MKI67: variants seen among roughly 807,000 people sequenced by gnomAD.
The protein encoded by MKI67 is proliferation marker protein Ki-67.
Under a neutral mutation model 233.5 loss-of-function variants are expected in MKI67, and 152 were observed. That is an observed-to-expected ratio of 0.65 (90% CI 0.57 to 0.74). MKI67 has a LOEUF of 0.74. Ranked by LOEUF, MKI67 falls within the 30% of genes least tolerant of loss-of-function variation. The pLI is 0.00. For synonymous variants in MKI67, 1,465 were observed against 1,418.5 expected (o/e 1.03, Z -0.74); for missense variants, 3,940 against 3,885.2 (o/e 1.01, Z -0.37).
intron 13 of MKI67, 65 bp downstream of exon 13, chr10:128,102,514 G>A (rs1175003051): frequency 8.3e-6 from 13 of 1,559,334 alleles, no homozygotes; most frequent in South Asian, 6.0e-5. Flanking sequence ...TACATGCAAA[G>A]TATAACACAG....
chr10:128,100,386 C>T (rs1244399536), intron 14 of MKI67, among the ~76,000 whole-genome samples: 1 of 152,196 alleles, frequency 6.6e-6, no homozygotes, highest in Non-Finnish European at 1.5e-5. Flanking sequence ...GCAGTTGAAG[C>T]TTCCTAGTTT....
chr10:128,115,555 G>T lies in MKI67; in HGVS notation c.853C>A (p.Gln285Lys). The change falls in exon 7 of 15, where the codon CAA becomes AAA. Residue 285 changes from glutamine (Q) to lysine (K), a missense_variant. Gln to Lys is a moderately conservative substitution (Grantham distance 53). Transcript: ENST00000368654. Reference protein sequence around the residue: ...ESADGLQGETQLLVSRKSRPK... With the variant: ...ESADGLQGETKLLVSRKSRPK... ...CTTGACTTACGCGAGACCAACAGTT[G>T]GGTCTCCCCCTGTAAACCATCAGCA... The T allele has an allele frequency of 6.2e-7, 1 of 1,614,156 alleles. No homozygotes were observed. Among genetic ancestry groups the T allele is most frequent in the South Asian group, 1.1e-5 (1 of 91,084 alleles).
chr10:128,126,174 G>A lies in MKI67; in HGVS notation c.-165C>T, dbSNP rs1279475208. The A allele has an allele frequency of 6.3e-6, 1 of 158,304 alleles. No individual in the cohort carries two copies. The highest frequency in any genetic ancestry group is 6.4e-5 in the Admixed American group (1 of 15,512). 9.8% of individuals were successfully genotyped at this position (158,304 alleles called of 1,614,324 possible). ...TCGCACCCAAAGTCCGCCGCAGGAG[G>A]AGCCGGCGCCGCGCTCACCTCCGCC... On this transcript the variant is annotated 5_prime_UTR_variant, in exon 1 of 15. Coordinates refer to ENST00000368654, the MANE Select transcript of MKI67 (RefSeq NM_002417.5).
rs768381709 is a variant in MKI67, at chr10:128,103,435, C to T, written c.8405G>A (p.Gly2802Asp). ...GTGACCTGCTGCTGGGTCTTTGAAG[C>T]CAGCTAGGTCTTCTATGGCTTGGGC... is the stretch of plus-strand genomic sequence containing the variant. ...ESAQAIEDLA[G>D]FKDPAAGHTE... is the part of the protein sequence containing the mutation. The change falls in exon 13 of 15, where the codon GGC becomes GAC. Residue 2802 changes from glycine to aspartate, a missense_variant. Gly to Asp is a moderately conservative substitution (Grantham distance 94). Transcript: ENST00000368654. The T allele has an allele frequency of 3.1e-6, 5 of 1,613,760 alleles. No homozygotes were observed. The South Asian group carries it at 5.5e-5, about 18-fold the overall frequency.
intron 5 of MKI67, 82 bp from the exon 6 acceptor site, chr10:128,116,618 G>A (rs1852814937): frequency 1.5e-6 from 2 of 1,375,298 alleles, no homozygotes; most frequent in Non-Finnish European, 2.1e-6. Context: ...ATTATTTATT[G>A]TTTTCTGGCT....
Position 128,106,408 on chromosome 10 carries a change from T to C in MKI67, c.5432A>G (p.Asn1811Ser), listed in dbSNP as rs1047678642. 1.9e-6 allele frequency: 3 copies of C among 1,613,640 alleles called. No individual in the cohort carries two copies. The African/African-American group carries it at 4.0e-5, about 22-fold the overall frequency. ...TPVQKLDQPG[N>S]LPGSNRRLQT... Reference sequence around the variant, plus strand: ...TAGCCGTCTATTGCTGCCAGGTAAATTTCCTGGCTGGTCCAGTTTCTGCAC... The same window carrying C: ...TAGCCGTCTATTGCTGCCAGGTAAACTTCCTGGCTGGTCCAGTTTCTGCAC... Residue 1811 changes from asparagine to serine, a missense_variant, in exon 13 of 15, where the codon AAT becomes AGT. Asn to Ser is a conservative substitution (Grantham distance 46). Transcript: ENST00000368654.
intron 8 of MKI67, among the ~76,000 whole-genome samples, 193 bp downstream of exon 8, chr10:128,113,234 C>T (rs1319492631): frequency 6.6e-6 from 1 of 152,230 alleles, no homozygotes. Context: ...ATCAGCACCA[C>T]GGTCAGGGAC....
intron 4 of MKI67, among the ~76,000 whole-genome samples, chr10:128,121,684 T>C (rs1297651132): frequency 1.3e-5 from 2 of 150,268 alleles, no homozygotes; most frequent in African/African-American, 2.4e-5. Flanking sequence ...TAATTAGCCA[T>C]ATCTGCTCAT....
At chr10:128,123,210 T>G (rs1347436905) in intron 2 of MKI67, 41 bp from the exon 3 acceptor site, 1 of 1,337,554 alleles carries the variant, frequency 7.5e-7, no homozygotes, top group South Asian at 1.2e-5. Context: ...TGCTGCAACT[T>G]TTTAAAAGAT....
rs1852568177 is a variant in MKI67, at chr10:128,108,209, G to A, written c.3631C>T (p.Leu1211=). The change falls in exon 13 of 15, where the codon CTA becomes TTA. Residue 1211 remains leucine (L), a synonymous_variant. Coordinates refer to ENST00000368654, the MANE Select transcript of MKI67 (RefSeq NM_002417.5). ...AGTLPGSKRQ[L]QTPKEKAQAL... is the part of the protein sequence containing the mutation. ...TGGGCCTTTTCCTTAGGAGTCTGTA[G>A]CTGTCTTTTGCTGCCAGGTAAAGTT... is the stretch of plus-strand genomic sequence containing the variant. 1.2e-6 allele frequency: 2 copies of A among 1,613,346 alleles called. No homozygotes were observed. The highest frequency in any genetic ancestry group is 2.7e-5 in the African/African-American group (2 of 74,714).
intron 13 of MKI67, 63 bp from the exon 14 acceptor site, chr10:128,101,764 A>G: frequency 3.2e-6 from 4 of 1,263,822 alleles, no homozygotes; most frequent in Non-Finnish European, 4.4e-6. Flanking sequence ...TCAAAATTCA[A>G]CAGGGAGCAC....
Position 128,106,672 on chromosome 10 carries a change from G to T in MKI67, c.5168C>A (p.Thr1723Asn). ...FIELFQTPSHTKESMTNEKTT... is the reference protein window; with the variant it reads ...FIELFQTPSHNKESMTNEKTT... Reference sequence around the variant, plus strand: ...TTTTTCGTTAGTCATTGATTCCTTAGTGTGACTTGGTGTCTGGAAGAGCTC... The same window carrying T: ...TTTTTCGTTAGTCATTGATTCCTTATTGTGACTTGGTGTCTGGAAGAGCTC... The change falls in exon 13 of 15, where the codon ACT (threonine) becomes AAT (asparagine). Residue 1723 changes from threonine (T) to asparagine (N), a missense_variant. Coordinates refer to ENST00000368654, the MANE Select transcript of MKI67 (RefSeq NM_002417.5). 1 of 1,614,172 alleles carries T rather than the reference G, an allele frequency of 6.2e-7. No individual in the cohort carries two copies. The highest frequency in any genetic ancestry group is 8.5e-7 in the Non-Finnish European group (1 of 1,180,046).
rs764149633 is a variant in MKI67, at chr10:128,107,247, T to G, written c.4593A>C (p.Thr1531=). 1 of 1,614,026 alleles carries G rather than the reference T, an allele frequency of 6.2e-7. No homozygotes were observed. The highest frequency in any genetic ancestry group is 8.5e-7 in the Non-Finnish European group (1 of 1,179,972). The change falls in exon 13 of 15, where the codon ACA becomes ACC. Residue 1531 remains threonine (T), a synonymous_variant. Transcript: ENST00000368654. ...EEEFFALRKR[T]PSAGKAMHTP... is the part of the protein sequence containing the mutation. Reference sequence around the variant, plus strand: ...TGTGCATGGCTTTGCCTGCTGATGGTGTTCGTTTCCTGAGTGCGAAGAATT... The same window carrying G: ...TGTGCATGGCTTTGCCTGCTGATGGGGTTCGTTTCCTGAGTGCGAAGAATT...
At chr10:128,121,910 C>G (rs1425124727) in intron 4 of MKI67, among the ~76,000 whole-genome samples, 1 of 152,006 alleles carries the variant, frequency 6.6e-6, no homozygotes, top group African/African-American at 2.4e-5. Context: ...TGTATACATT[C>G]TTGTATCACT....
intron 5 of MKI67, among the ~76,000 whole-genome samples, chr10:128,119,026 G>C (rs191840757): frequency 3.3e-5 from 5 of 152,308 alleles, no homozygotes; most frequent in Non-Finnish European, 7.3e-5. Flanking sequence ...GGCTAAAAGT[G>C]TAAGACCAAC....
rs1388805994 is a variant in MKI67, at chr10:128,104,443, G to A, written c.7397C>T (p.Ser2466Phe). ...GGTTTTGAATGACTCTGGCTGTGGA[G>A]ATTTACAGGATACTTCTGTGATTTT... ...DDKITEVSCK[S>F]PQPESFKTSR... The change falls in exon 13 of 15, where the codon TCT becomes TTT. Residue 2466 changes from serine to phenylalanine, a missense_variant. Transcript: ENST00000368654. 2 of 1,613,816 alleles carry A rather than the reference G, an allele frequency of 1.2e-6. No individual in the cohort carries two copies. The highest frequency in any genetic ancestry group is 1.7e-6 in the Non-Finnish European group (2 of 1,179,974).
In MKI67 at chr10:128,099,073, C is replaced by T; in HGVS notation, c.*117G>A. ...GACCCAGCAAATCCAAAGTTTTCTTCCCTTAAGCAGACTGACAGCCTTACT... is the reference window on the plus strand; with the variant it reads ...GACCCAGCAAATCCAAAGTTTTCTTTCCTTAAGCAGACTGACAGCCTTACT... On this transcript the variant is annotated 3_prime_UTR_variant, in exon 15 of 15. Coordinates refer to ENST00000368654, the MANE Select transcript of MKI67 (RefSeq NM_002417.5). 2.7e-6 allele frequency: 2 copies of T among 752,104 alleles called. No individual in the cohort carries two copies. Among genetic ancestry groups the T allele is most frequent in the Non-Finnish European group, 4.2e-6 (2 of 476,372 alleles). 46.6% of individuals were successfully genotyped at this position (752,104 alleles called of 1,614,324 possible).
chr10:128,102,096 G>T (rs1260136337), intron 13 of MKI67, among the ~76,000 whole-genome samples: 1 of 152,142 alleles, frequency 6.6e-6, no homozygotes, highest in Non-Finnish European at 1.5e-5. Flanking sequence ...GCCATTTCTG[G>T]AGTTTCCCCA....
At position 128,108,713 on chromosome 10, in the gene MKI67, T is replaced by G. The variant is rs1852590933; in HGVS notation, c.3127A>C (p.Lys1043Gln). Reference sequence around the variant, plus strand: ...GTCTCCCCTGACGTCCGTGTGAACTTGCCGACTGCTAGGAGCTCTTCTTTC... The same window carrying G: ...GTCTCCCCTGACGTCCGTGTGAACTGGCCGACTGCTAGGAGCTCTTCTTTC... ...GVKEELLAVG[K>Q]FTRTSGETTH... is the part of the protein sequence containing the mutation. The change falls in exon 13 of 15, where the codon AAG (lysine) becomes CAG (glutamine). Residue 1043 changes from lysine to glutamine, a missense_variant. Lys to Gln is a moderately conservative substitution (Grantham distance 53). Coordinates refer to ENST00000368654, the MANE Select transcript of MKI67 (RefSeq NM_002417.5). 1 of 1,614,228 alleles carries G rather than the reference T, an allele frequency of 6.2e-7. No individual in the cohort carries two copies. The highest frequency in any genetic ancestry group is 2.2e-5 in the East Asian group (1 of 44,876).
Sources: allele counts gnomAD v4.1 joint callset (sites outside exome capture counted in the v4.1 genomes callset), GRCh38; gene constraint gnomAD v4.1.1; transcripts MANE v1.5; gene names NCBI Gene and HGNC (gene_info 2026-07-23, HGNC 2026-07-21).